AFF4: variants seen among roughly 807,000 people sequenced by gnomAD.
AFF4 encodes the protein AF4/FMR2 family member 4.
Under a neutral mutation model 124.8 loss-of-function variants are expected in AFF4, and 13 were observed. That is an observed-to-expected ratio of 0.10 (90% CI 0.07 to 0.17). The LOEUF is 0.17. Ranked by LOEUF, AFF4 falls within the 10% of genes least tolerant of loss-of-function variation. The pLI is 1.00. For missense variants in AFF4, 1,092 were observed against 1,403.8 expected (o/e 0.78, Z 3.55); for synonymous variants, 477 against 496.1 (o/e 0.96, Z 0.51).
intron 5 of AFF4, among the ~76,000 whole-genome samples, chr5:132,911,673 G>C (rs1760793476): frequency 6.6e-6 from 1 of 151,330 alleles, no homozygotes; most frequent in African/African-American, 2.4e-5. Context: ...GGAGAAGAGG[G>C]TAAAAAAAAA....
intron 17 of AFF4, 128 bp from the exon 18 acceptor site, chr5:132,886,531 T>G: frequency 1.4e-6 from 1 of 737,508 alleles, no homozygotes; most frequent in Non-Finnish European, 2.2e-6. Flanking sequence ...CATTAACCGT[T>G]AGGCAAAACC....
At chr5:132,924,563 A>C (rs1220298033) in intron 5 of AFF4, among the ~76,000 whole-genome samples, 1 of 152,138 alleles carries the variant, frequency 6.6e-6, no homozygotes, top group African/African-American at 2.4e-5. Context: ...ATCAAAACTC[A>C]AACTGCAGGC....
intron 4 of AFF4, 72 bp from the exon 5 acceptor site, chr5:132,927,279 T>G (rs916652906): frequency 4.4e-5 from 58 of 1,303,780 alleles, no homozygotes; most frequent in Non-Finnish European, 6.3e-5. Context: ...AAACCAGATT[T>G]GTATTTATAA....
chr5:132,954,544 CTCTTT>C (rs1761911148), intron 1 of AFF4, among the ~76,000 whole-genome samples: 1 of 126,638 alleles, frequency 7.9e-6, no homozygotes, highest in Non-Finnish European at 1.7e-5. Flanking sequence ...ACAAACAATG[CTCTTT>C]TTTTTTTTTT....
chr5:132,901,323 TAAA>T (rs1760546496), intron 7 of AFF4, among the ~76,000 whole-genome samples: 1 of 152,218 alleles, frequency 6.6e-6, no homozygotes, highest in Non-Finnish European at 1.5e-5. Context: ...TCTTTACATA[TAAA>T]TAAGTATGAT....
intron 2 of AFF4, among the ~76,000 whole-genome samples, chr5:132,935,164 T>C (rs551954900): frequency 6.6e-6 from 1 of 152,066 alleles, no homozygotes; most frequent in South Asian, 2.1e-4. Flanking sequence ...TAGTAAAATA[T>C]AATCCGAGCA....
At chr5:132,924,716 G>A (rs373904040) in intron 5 of AFF4, among the ~76,000 whole-genome samples, 1 of 151,760 alleles carries the variant, frequency 6.6e-6, no homozygotes, top group Non-Finnish European at 1.5e-5. Flanking sequence ...TTAGCCAGGC[G>A]TGGTGGCGTG....
chr5:132,938,980 GAAA>G (rs1192609238), intron 1 of AFF4, among the ~76,000 whole-genome samples: 1 of 78,894 alleles, frequency 1.3e-5, no homozygotes. Context: ...TTAATGTTTA[GAAA>G]AAAAAAAAAA....
Position 132,886,391 on chromosome 5 carries a change from C to T in AFF4, c.3018G>A (p.Glu1006=). 1 of 1,614,074 alleles carries T rather than the reference C, an allele frequency of 6.2e-7. No individual in the cohort carries two copies. The highest frequency in any genetic ancestry group is 8.5e-7 in the Non-Finnish European group (1 of 1,180,014). ...TGAACAGCCTCAGGTACAGCAAAGACTCGCATCGCAGGCTAGCCAATGGAA... is the reference window on the plus strand; with the variant it reads ...TGAACAGCCTCAGGTACAGCAAAGATTCGCATCGCAGGCTAGCCAATGGAA... ...KRLTVLCLRC[E]SLLYLRLFKL... is the part of the protein sequence containing the mutation. The change falls in exon 18 of 21, where the codon GAG becomes GAA. Residue 1006 remains glutamate, a synonymous_variant. Coordinates refer to ENST00000265343, the MANE Select transcript of AFF4 (RefSeq NM_014423.4).
chr5:132,919,622 G>A (rs1016854336), intron 5 of AFF4, among the ~76,000 whole-genome samples: 1 of 152,324 alleles, frequency 6.6e-6, no homozygotes, highest in African/African-American at 2.4e-5. Flanking sequence ...GGCCAAGGCA[G>A]GTGGATCATT....
In AFF4 at chr5:132,888,001, A is replaced by G; in HGVS notation, c.2797-19T>C. The G allele has an allele frequency of 4.3e-6, 7 of 1,612,654 alleles. No homozygotes were observed. The highest frequency in any genetic ancestry group is 5.9e-6 in the Non-Finnish European group (7 of 1,179,356). ...TATCAGACTGAAGAAAGGAGAATGC[A>G]AGTAATGAGTAATGATCTACTATGG... On this transcript the variant is annotated intron_variant, in intron 15 of 20. Coordinates refer to ENST00000265343, the MANE Select transcript of AFF4 (RefSeq NM_014423.4).
At chr5:132,957,721 G>C (rs976658999) in intron 1 of AFF4, among the ~76,000 whole-genome samples, 2 of 152,020 alleles carry the variant, frequency 1.3e-5, no homozygotes, top group African/African-American at 4.8e-5. Flanking sequence ...GACAGTGCAA[G>C]ACTCCATCTC....
chr5:132,923,865 A>T (rs1057019849), intron 5 of AFF4, among the ~76,000 whole-genome samples: 1 of 152,248 alleles, frequency 6.6e-6, no homozygotes, highest in Admixed American at 6.5e-5. Context: ...TAGATGCTTT[A>T]TTCTTAACAG....
rs1210441658 is a variant in AFF4, at chr5:132,880,279, AG to A, written c.*779del. 1 of 398,904 alleles carries A rather than the reference AG, an allele frequency of 2.5e-6. No individual in the cohort carries two copies. Among genetic ancestry groups the A allele is most frequent in the Non-Finnish European group, 4.4e-6 (1 of 226,042 alleles). 24.7% of individuals were successfully genotyped at this position (398,904 alleles called of 1,614,324 possible). ...CCCTTCAACATGAAATGCTTCTTCT[AG>A]AAAGTTTGTCCTCCCTCTTTTGTAA... On this transcript the variant is annotated 3_prime_UTR_variant, in exon 21 of 21. Transcript: ENST00000265343.
At chr5:132,906,732 C>A (rs899618228) in intron 5 of AFF4, among the ~76,000 whole-genome samples, 2 of 152,168 alleles carry the variant, frequency 1.3e-5, no homozygotes, top group Non-Finnish European at 1.5e-5. Flanking sequence ...AAGTGAATCA[C>A]ATCTCAGTAC....
chr5:132,954,032 C>T (rs1761898350), intron 1 of AFF4, among the ~76,000 whole-genome samples: 1 of 152,188 alleles, frequency 6.6e-6, no homozygotes, highest in South Asian at 2.1e-4. Context: ...CTTGTCTCCT[C>T]ATCAGATTAA....
intron 4 of AFF4, among the ~76,000 whole-genome samples, chr5:132,931,073 C>T (rs1380965966): frequency 6.8e-6 from 1 of 147,382 alleles, no homozygotes; most frequent in African/African-American, 2.5e-5. Context: ...CGCCACTGCA[C>T]TCCAACCTGG....
intron 17 of AFF4, 50 bp downstream of exon 17, chr5:132,887,471 T>C (rs1011972040): frequency 6.7e-7 from 1 of 1,495,230 alleles, no homozygotes; most frequent in Non-Finnish European, 9.3e-7. Flanking sequence ...CAGCACTATT[T>C]ATTATAGAAC....
intron 18 of AFF4, 129 bp downstream of exon 18, chr5:132,886,181 T>C: frequency 1.3e-6 from 1 of 756,660 alleles, no homozygotes. Context: ...CAAACTTATT[T>C]GAAAAGTCCC....
Sources: allele counts gnomAD v4.1 joint callset (sites outside exome capture counted in the v4.1 genomes callset), GRCh38; gene constraint gnomAD v4.1.1; transcripts MANE v1.5; gene names NCBI Gene and HGNC (gene_info 2026-07-23, HGNC 2026-07-21).